Variants in PCDHB16 observed in about 807,000 individuals in gnomAD.
PCDHB16 encodes the protein protocadherin beta-16.
For synonymous variants in PCDHB16, 444 were observed against 436.5 expected, an observed-to-expected ratio of 1.02 and a Z score of -0.21; for missense variants, 1,026 against 989.9, an observed-to-expected ratio of 1.04 and a Z score of -0.49.
Position 141,183,802 on chromosome 5 carries a change from G to T in PCDHB16, c.1243G>T (p.Ala415Ser), listed in dbSNP as rs147720307. The T allele has an allele frequency of 6.2e-7, 1 of 1,614,206 alleles. No individual in the cohort carries two copies. Among genetic ancestry groups the T allele is most frequent in the South Asian group, 1.1e-5 (1 of 91,082 alleles). Residue 415 changes from alanine (A) to serine (S), a missense_variant, in exon 1 of 1, where the codon GCT (alanine) becomes TCT (serine). Coordinates refer to ENST00000609684, the MANE Select transcript of PCDHB16 (RefSeq NM_020957.4). ...GAGAGCACTCGACAGAGAAGCAAGA[G>T]CTGAATATAATATCACCCTCACCGT... is the stretch of plus-strand genomic sequence containing the variant. The part of the protein sequence containing the change: ...TERALDREAR[A>S]EYNITLTVTD...
rs2149663041 is a variant in PCDHB16, at chr5:141,185,621, T to G, written c.*731T>G. On this transcript the variant is annotated 3_prime_UTR_variant, in exon 1 of 1. Coordinates refer to ENST00000609684, the MANE Select transcript of PCDHB16 (RefSeq NM_020957.4). ...TTTTGCCAAGTTGCCCAGGCTGATC[T>G]TGAACTCCTGGGCTCAAGCCATCCT... 1 of 639,564 alleles carries G rather than the reference T, an allele frequency of 1.6e-6. No individual in the cohort carries two copies. Among genetic ancestry groups the G allele is most frequent in the East Asian group, 1.4e-4 (1 of 7,162 alleles). 39.6% of individuals were successfully genotyped at this position (639,564 alleles called of 1,614,324 possible).
At position 141,183,744 on chromosome 5, in the gene PCDHB16, T is replaced by C; in HGVS notation, c.1185T>C (p.Pro395=). The change falls in exon 1 of 1, where the codon CCT becomes CCC. Residue 395 remains proline (P), a synonymous_variant. Coordinates refer to ENST00000609684, the MANE Select transcript of PCDHB16 (RefSeq NM_020957.4). The part of the protein sequence containing the change: ...IQEDLPFLLK[P]SVKNFYTLVT... ...AAGACCTTCCCTTTCTTCTAAAACC[T>C]TCAGTCAAGAACTTTTACACCTTGG... The C allele has an allele frequency of 2.5e-6, 4 of 1,614,116 alleles. No homozygotes were observed. Among genetic ancestry groups the C allele is most frequent in the Non-Finnish European group, 3.4e-6 (4 of 1,180,020 alleles).
In PCDHB16 at chr5:141,186,092, A is replaced by G; in HGVS notation, c.*1202A>G. Reference sequence around the variant, plus strand: ...TTGGCTTTTATATTCATCATAGTATACATTGGCGGTATCTAGCCCTTTCTC... The same window carrying G: ...TTGGCTTTTATATTCATCATAGTATGCATTGGCGGTATCTAGCCCTTTCTC... On this transcript the variant is annotated 3_prime_UTR_variant, in exon 1 of 1. Coordinates refer to ENST00000609684, the MANE Select transcript of PCDHB16 (RefSeq NM_020957.4). 8 of 999,710 alleles carry G rather than the reference A, an allele frequency of 8.0e-6. No individual in the cohort carries two copies. Among genetic ancestry groups the G allele is most frequent in the Non-Finnish European group, 9.6e-6 (8 of 829,510 alleles). The allele number at this position is 999,710 out of a possible 1,614,324, so 61.9% of individuals were successfully genotyped here.
At position 141,185,177 on chromosome 5, in the gene PCDHB16, T is replaced by G. The variant is rs1753692107; in HGVS notation, c.*287T>G. The G allele has an allele frequency of 8.8e-7, 1 of 1,137,578 alleles. No individual in the cohort carries two copies. 70.5% of individuals were successfully genotyped at this position (1,137,578 alleles called of 1,614,324 possible). A position where few individuals can be genotyped will look rare whatever the true frequency, so the allele number is the denominator to read the frequency against. The stretch of plus-strand genomic sequence containing the variant: ...TTCAAAGTTGATGTCATTTAAAATT[T>G]TTCCGTCTTTATATTTTATTTACTT... On this transcript the variant is annotated 3_prime_UTR_variant, in exon 1 of 1. Coordinates refer to ENST00000609684, the MANE Select transcript of PCDHB16 (RefSeq NM_020957.4).
Position 141,182,437 on chromosome 5 carries a change from G to A in PCDHB16, c.-123G>A, listed in dbSNP as rs1753586460. 1 of 786,266 alleles carries A rather than the reference G, an allele frequency of 1.3e-6. No homozygotes were observed. The highest frequency in any genetic ancestry group is 2.8e-5 in the Admixed American group (1 of 36,336). 48.7% of individuals were successfully genotyped at this position (786,266 alleles called of 1,614,324 possible). Reference sequence around the variant, plus strand: ...AATAGCTGAGCCAGAGCGAACGTGAGTGTGAAACCTCTTTAAGACACCGTT... The same window carrying A: ...AATAGCTGAGCCAGAGCGAACGTGAATGTGAAACCTCTTTAAGACACCGTT... On this transcript the variant is annotated 5_prime_UTR_variant, in exon 1 of 1. In the 5' UTR this introduces an upstream ATG that the reference lacks. Coordinates refer to ENST00000609684, the MANE Select transcript of PCDHB16 (RefSeq NM_020957.4).
chr5:141,182,721 G>A lies in PCDHB16; in HGVS notation c.162G>A (p.Leu54=). The change falls in exon 1 of 1, where the codon TTG becomes TTA. Residue 54 remains leucine, a synonymous_variant. Coordinates refer to ENST00000609684, the MANE Select transcript of PCDHB16 (RefSeq NM_020957.4). Reference sequence around the variant, plus strand: ...CAAATCTAGGAAAAGACCTGGGGTTGGGGTTGACAGAGATGTCCACCCGCA... The same window carrying A: ...CAAATCTAGGAAAAGACCTGGGGTTAGGGTTGACAGAGATGTCCACCCGCA... ...FVANLGKDLG[L]GLTEMSTRKA... 6.2e-7 allele frequency: 1 copy of A among 1,611,292 alleles called. No individual in the cohort carries two copies. The highest frequency in any genetic ancestry group is 1.1e-5 in the South Asian group (1 of 90,880).
At position 141,185,760 on chromosome 5, in the gene PCDHB16, A is replaced by G. The variant is rs1358630143; in HGVS notation, c.*870A>G. ...GTCTCGTAAAGTTACCTTTAAAAAA[A>G]AAGTTCTATTTTCCCTGTATTGGTA... On this transcript the variant is annotated 3_prime_UTR_variant, in exon 1 of 1. Coordinates refer to ENST00000609684, the MANE Select transcript of PCDHB16 (RefSeq NM_020957.4). The G allele has an allele frequency of 1.2e-5, 12 of 993,086 alleles. No individual in the cohort carries two copies. The highest frequency in any genetic ancestry group is 4.9e-6 in the Non-Finnish European group (4 of 823,566). The allele number at this position is 993,086 out of a possible 1,614,324, so 61.5% of individuals were successfully genotyped here.
rs139968714 is a variant in PCDHB16, at chr5:141,183,647, T to C, written c.1088T>C (p.Ile363Thr). 10 of 1,614,054 alleles carry C rather than the reference T, an allele frequency of 6.2e-6. No homozygotes were observed. The African/African-American group carries it at 1.2e-4, about 19-fold the overall frequency. Residue 363 changes from isoleucine to threonine, a missense_variant, in exon 1 of 1, where the codon ATA becomes ACA. Coordinates refer to ENST00000609684, the MANE Select transcript of PCDHB16 (RefSeq NM_020957.4). ...CCCATCCCAGAGAACTCGCCTGAGA[T>C]AGTAGTTGCTGTTTTCAGCGTTTCA... Reference protein sequence around the residue: ...TSPIPENSPEIVVAVFSVSDP... With the variant: ...TSPIPENSPETVVAVFSVSDP...
In PCDHB16 at chr5:141,183,844, C is replaced by A. The variant is rs1753636899; in HGVS notation, c.1285C>A (p.Pro429Thr). 7 of 1,614,058 alleles carry A rather than the reference C, an allele frequency of 4.3e-6. No individual in the cohort carries two copies. The highest frequency in any genetic ancestry group is 5.9e-6 in the Non-Finnish European group (7 of 1,180,044). Residue 429 changes from proline (P) to threonine (T), a missense_variant, in exon 1 of 1, where the codon CCA becomes ACA. By Grantham distance (38) the Pro-to-Thr change is conservative. Coordinates refer to ENST00000609684, the MANE Select transcript of PCDHB16 (RefSeq NM_020957.4). ...ITLTVTDMGT[P>T]RLKTEHNITV... ...CCTCACCGTCACAGATATGGGGACT[C>A]CAAGGCTGAAAACGGAGCACAACAT...
chr5:141,183,414 G>C lies in PCDHB16; in HGVS notation c.855G>C (p.Ser285=). 6.2e-7 allele frequency: 1 copy of C among 1,614,138 alleles called. No homozygotes were observed. Among genetic ancestry groups the C allele is most frequent in the Non-Finnish European group, 8.5e-7 (1 of 1,180,032 alleles). Residue 285 remains serine (S), a synonymous_variant, in exon 1 of 1, where the codon TCG becomes TCC. Transcript: ENST00000609684. The part of the protein sequence containing the change: ...GKISYTLFQP[S]EDISKTLEVN... Reference sequence around the variant, plus strand: ...TATCATACACACTCTTTCAGCCTTCGGAGGATATTAGTAAAACTTTGGAGG... The same window carrying C: ...TATCATACACACTCTTTCAGCCTTCCGAGGATATTAGTAAAACTTTGGAGG...
In PCDHB16 at chr5:141,183,813, T is replaced by C; in HGVS notation, c.1254T>C (p.Asn418=). 6.2e-7 allele frequency: 1 copy of C among 1,614,192 alleles called. No individual in the cohort carries two copies. Among genetic ancestry groups the C allele is most frequent in the Non-Finnish European group, 8.5e-7 (1 of 1,180,034 alleles). ...ALDREARAEY[N]ITLTVTDMGT... Reference sequence around the variant, plus strand: ...ACAGAGAAGCAAGAGCTGAATATAATATCACCCTCACCGTCACAGATATGG... The same window carrying C: ...ACAGAGAAGCAAGAGCTGAATATAACATCACCCTCACCGTCACAGATATGG... Residue 418 remains asparagine, a synonymous_variant, in exon 1 of 1, where the codon AAT becomes AAC. Transcript: ENST00000609684.
chr5:141,185,904 G>C lies in PCDHB16; in HGVS notation c.*1014G>C. On this transcript the variant is annotated 3_prime_UTR_variant, in exon 1 of 1. Transcript: ENST00000609684. ...ACATTCAGTATGTGTAAATGTGTTT[G>C]TGTTTGTAGACAAAAGGCAAAGGTA... 2 of 982,608 alleles carry C rather than the reference G, an allele frequency of 2.0e-6. No homozygotes were observed. The highest frequency in any genetic ancestry group is 4.8e-5 in the South Asian group (1 of 20,908). The allele number at this position is 982,608 out of a possible 1,614,324, so 60.9% of individuals were successfully genotyped here.
Position 141,184,331 on chromosome 5 carries a change from C to A in PCDHB16, c.1772C>A (p.Ala591Glu). The part of the protein sequence containing the change: ...EPGYLVTKVV[A>E]VDGDSGQNAW... ...GGCTACCTGGTGACCAAGGTGGTGGCGGTGGACGGCGACTCGGGCCAGAAT... is the reference window on the plus strand; with the variant it reads ...GGCTACCTGGTGACCAAGGTGGTGGAGGTGGACGGCGACTCGGGCCAGAAT... The change falls in exon 1 of 1, where the codon GCG becomes GAG. Residue 591 changes from alanine (A) to glutamate (E), a missense_variant. Transcript: ENST00000609684. The A allele has an allele frequency of 6.3e-7, 1 of 1,599,666 alleles. No individual in the cohort carries two copies. The highest frequency in any genetic ancestry group is 8.5e-7 in the Non-Finnish European group (1 of 1,175,700).
Position 141,183,942 on chromosome 5 carries a change from C to G in PCDHB16, c.1383C>G (p.Arg461=), listed in dbSNP as rs782323992. The G allele has an allele frequency of 4.3e-5, 69 of 1,613,722 alleles. No individual in the cohort carries two copies. Among genetic ancestry groups the G allele is most frequent in the Admixed American group, 8.3e-5 (5 of 59,994 alleles). The change falls in exon 1 of 1, where the codon CGC becomes CGG. Residue 461 remains arginine, a synonymous_variant. Coordinates refer to ENST00000609684, the MANE Select transcript of PCDHB16 (RefSeq NM_020957.4). ...AAACCTCCTACACCCTGTTCGTCCG[C>G]GAGAACAACAGCCCCGCCCTGCACA... ...FTQTSYTLFV[R]ENNSPALHIG...
Position 141,183,556 on chromosome 5 carries a change from C to T in PCDHB16, c.997C>T (p.Leu333Phe), listed in dbSNP as rs782069671. Residue 333 changes from leucine to phenylalanine, a missense_variant, in exon 1 of 1, where the codon CTT (leucine) becomes TTT (phenylalanine). Transcript: ENST00000609684. The part of the protein sequence containing the change: ...DGGGLSGKCT[L>F]LLQVVDVNDN... ...GGGAGGTCTTTCAGGAAAGTGCACT[C>T]TTCTCCTGCAGGTGGTGGACGTGAA... 1 of 1,614,168 alleles carries T rather than the reference C, an allele frequency of 6.2e-7. No homozygotes were observed. The highest frequency in any genetic ancestry group is 8.5e-7 in the Non-Finnish European group (1 of 1,180,042).
At position 141,183,351 on chromosome 5, in the gene PCDHB16, C is replaced by T; in HGVS notation, c.792C>T (p.Val264=). Residue 264 remains valine (V), a synonymous_variant, in exon 1 of 1, where the codon GTC becomes GTT. Transcript: ENST00000609684. ...NSPLGSLVAT[V]SARDLDGGAN... ...CTCTTGGCTCCCTGGTTGCCACCGT[C>T]TCCGCCAGGGATTTAGACGGCGGAG... The T allele has an allele frequency of 6.2e-7, 1 of 1,614,212 alleles. No individual in the cohort carries two copies. The highest frequency in any genetic ancestry group is 8.5e-7 in the Non-Finnish European group (1 of 1,180,042).
rs782404570 is a variant in PCDHB16 at position 141,183,945 on chromosome 5, GAAC to G, written c.1391_1393del (p.Asn464del). 3 of 1,613,762 alleles carry G rather than the reference GAAC, an allele frequency of 1.9e-6. No homozygotes were observed. Among genetic ancestry groups the G allele is most frequent in the Non-Finnish European group, 2.5e-6 (3 of 1,179,986 alleles). On this transcript the variant is annotated inframe_deletion, in exon 1 of 1. Transcript: ENST00000609684. ...CCTCCTACACCCTGTTCGTCCGCGAGAACAACAGCCCCGCCCTGCACATCGGCA... is the reference window on the plus strand; with the variant it reads ...CCTCCTACACCCTGTTCGTCCGCGAGAACAGCCCCGCCCTGCACATCGGCA...
Position 141,182,879 on chromosome 5 carries a change from A to T in PCDHB16, c.320A>T (p.Gln107Leu), listed in dbSNP as rs782754672. The change falls in exon 1 of 1, where the codon CAA becomes CTA. Residue 107 changes from glutamine (Q) to leucine (L), a missense_variant. Gln to Leu is a moderately radical substitution (Grantham distance 113). Transcript: ENST00000609684. ...ACTGAGCCTTGCATACTACATTTCC[A>T]AGTGTTAATGGAAAACCCTTTAGAA... is the stretch of plus-strand genomic sequence containing the variant. ...GPTEPCILHF[Q>L]VLMENPLEIF... The T allele has an allele frequency of 1.2e-6, 2 of 1,614,118 alleles. No individual in the cohort carries two copies. Among genetic ancestry groups the T allele is most frequent in the South Asian group, 2.2e-5 (2 of 91,076 alleles).
rs1169555817 is a variant in PCDHB16 at position 141,185,219 on chromosome 5, T to C, written c.*329T>C. 3.9e-6 allele frequency: 4 copies of C among 1,037,544 alleles called. No individual in the cohort carries two copies. Among genetic ancestry groups the C allele is most frequent in the Non-Finnish European group, 4.7e-6 (4 of 847,486 alleles). The allele number at this position is 1,037,544 out of a possible 1,614,324, so 64.3% of individuals were successfully genotyped here. On this transcript the variant is annotated 3_prime_UTR_variant, in exon 1 of 1. Coordinates refer to ENST00000609684, the MANE Select transcript of PCDHB16 (RefSeq NM_020957.4). ...TATTTACTTCCTATTCATTTTTTGC[T>C]CCATTTTTCATGTTACTTCTCAGTT...
Sources: allele counts gnomAD v4.1 joint callset, GRCh38; gene constraint gnomAD v4.1.1; transcripts MANE v1.5; gene names NCBI Gene and HGNC (gene_info 2026-07-23, HGNC 2026-07-21).